Variants in SCAND1 observed in about 807,000 individuals in gnomAD.
The protein encoded by SCAND1 is SCAN domain containing 1.
A neutral mutation model predicts 3.4 loss-of-function variants in SCAND1; 3 were observed. The ratio of observed to expected loss-of-function variants is 0.87; its 90% confidence interval spans 0.40 to 2.25. The LOEUF (loss-of-function observed/expected upper bound fraction) is 2.25. Ranked by LOEUF, SCAND1 falls within the 30% of genes most tolerant of loss-of-function variation. The pLI, the probability that SCAND1 is intolerant of heterozygous loss-of-function variation, is 0.05. For missense variants in SCAND1, 303 were observed against 258.8 expected, an observed-to-expected ratio of 1.17 and a Z score of -1.17; for synonymous variants, 152 against 120.5, an observed-to-expected ratio of 1.26 and a Z score of -1.72.
rs377105045 is a variant in SCAND1, at chr20:35,954,071, G to A, written c.214C>T (p.Leu72=). The change falls in exon 2 of 2, where the codon CTG becomes TTG. Residue 72 remains leucine, a synonymous_variant. Coordinates refer to ENST00000305978, the MANE Select transcript of SCAND1 (RefSeq NM_033630.3). ...GGTGCGGGCCCGAGAGGCAGCTCCA[G>A]GGCCGCGGAGGCCGCAGCTCGGGGC... ...PTPRAAASAA[L]ELPLGPAPVS... is the part of the protein sequence containing the mutation. 4.8e-5 allele frequency: 74 copies of A among 1,536,946 alleles called. No individual in the cohort carries two copies. The highest frequency in any genetic ancestry group is 6.1e-5 in the Non-Finnish European group (69 of 1,138,616).
upstream of SCAND1, among the ~76,000 whole-genome samples, chr20:35,958,303 G>T (rs1290643957): frequency 2.6e-5 from 4 of 152,112 alleles, no homozygotes; most frequent in Non-Finnish European, 5.9e-5. Context: ...ATGGTGGCAG[G>T]TACCTGTAAT....
upstream of SCAND1, chr20:35,957,651 T>C (rs995078020): frequency 2.6e-5 from 4 of 152,238 alleles, no homozygotes; most frequent in African/African-American, 9.6e-5. Flanking sequence ...CATATATCCT[T>C]GAACCCTCCC....
Position 35,954,500 on chromosome 20 carries a change from T to C in SCAND1, c.-108A>G, listed in dbSNP as rs1208262965. ...CGGAAGCGAAAGTCTCTGGCTTCTC[T>C]GCGTCCAGGTCGGCGCGCGAGCACC... On this transcript the variant is annotated 5_prime_UTR_variant, in exon 1 of 2. Transcript: ENST00000305978. 6.5e-7 allele frequency: 1 copy of C among 1,538,534 alleles called. No individual in the cohort carries two copies. Among genetic ancestry groups the C allele is most frequent in the Non-Finnish European group, 8.8e-7 (1 of 1,140,456 alleles).
At chr20:35,954,721 C>T, upstream of SCAND1, 1 of 929,856 alleles carries the variant, frequency 1.1e-6, no homozygotes, top group Non-Finnish European at 1.4e-6. Context: ...CTTCAAGTCC[C>T]GGACCTTATC....
chr20:35,954,502 C>G lies in SCAND1; in HGVS notation c.-110G>C. 1.3e-6 allele frequency: 2 copies of G among 1,537,056 alleles called. No individual in the cohort carries two copies. Among genetic ancestry groups the G allele is most frequent in the Non-Finnish European group, 1.8e-6 (2 of 1,139,588 alleles). On this transcript the variant is annotated 5_prime_UTR_variant, in exon 1 of 2. Transcript: ENST00000305978. ...GAAGCGAAAGTCTCTGGCTTCTCTG[C>G]GTCCAGGTCGGCGCGCGAGCACCCG...
In SCAND1 at chr20:35,953,931, A is replaced by T; in HGVS notation, c.354T>A (p.Asp118Glu). 1.9e-6 allele frequency: 3 copies of T among 1,579,092 alleles called. No individual in the cohort carries two copies. The African/African-American group carries it at 4.1e-5, about 21-fold the overall frequency. Residue 118 changes from aspartate to glutamate, a missense_variant, in exon 2 of 2, where the codon GAT becomes GAA. By Grantham distance (45) the Asp-to-Glu change is conservative. Coordinates refer to ENST00000305978, the MANE Select transcript of SCAND1 (RefSeq NM_033630.3). ...GGAAAGCCTCCCGGGGACCCGCCGC[A>T]TCCTGGTAGCGGAACTGCCGGAAAC... Reference protein sequence around the residue: ...RQRFRQFRYQDAAGPREAFRQ... With the variant: ...RQRFRQFRYQEAAGPREAFRQ...
chr20:35,958,021 T>TG (rs2056273313), upstream of SCAND1, among the ~76,000 whole-genome samples: 2 of 152,244 alleles, frequency 1.3e-5, no homozygotes, highest in African/African-American at 4.8e-5. Context: ...TCCCAGACTC[T>TG]TTCAGAGACC....
chr20:35,954,382 G>A (rs1300967303), intron 1 of SCAND1, 43 bp from the exon 2 acceptor site: 2 of 1,574,198 alleles, frequency 1.3e-6, no homozygotes, highest in Middle Eastern at 3.3e-4. Flanking sequence ...TCCGGTTAAA[G>A]GGCAGAGCTC....
In SCAND1 at chr20:35,954,452, A is replaced by G; in HGVS notation, c.-60T>C. The G allele has an allele frequency of 1.9e-6, 3 of 1,549,020 alleles. No individual in the cohort carries two copies. The highest frequency in any genetic ancestry group is 2.6e-6 in the Non-Finnish European group (3 of 1,146,656). On this transcript the variant is annotated 5_prime_UTR_variant, in exon 1 of 2. Transcript: ENST00000305978. ...CCGAGAGTGTGCGGAGCTTACCTGC[A>G]CCAGCGAAGCGCCTGCGGCAGCCGG...
At position 35,953,631 on chromosome 20, in the gene SCAND1, C is replaced by A; in HGVS notation, c.*114G>T. On this transcript the variant is annotated 3_prime_UTR_variant, in exon 2 of 2. Coordinates refer to ENST00000305978, the MANE Select transcript of SCAND1 (RefSeq NM_033630.3). ...GAGACACACCAGACCACAGGCGCTG[C>A]CAAAACTCATTTTTCATTAACACGG... The A allele has an allele frequency of 1.6e-6, 1 of 623,890 alleles. No individual in the cohort carries two copies. The highest frequency in any genetic ancestry group is 3.0e-5 in the South Asian group (1 of 33,442). The allele number at this position is 623,890 out of a possible 1,614,324, so 38.6% of individuals were successfully genotyped here. A position where few individuals can be genotyped will look rare whatever the true frequency, so the allele number is the denominator to read the frequency against.
In SCAND1 at chr20:35,954,097, G is replaced by T; in HGVS notation, c.188C>A (p.Thr63Lys). The T allele has an allele frequency of 6.5e-7, 1 of 1,538,902 alleles. No individual in the cohort carries two copies. The highest frequency in any genetic ancestry group is 8.8e-7 in the Non-Finnish European group (1 of 1,138,870). Residue 63 changes from threonine to lysine, a missense_variant, in exon 2 of 2, where the codon ACG (threonine) becomes AAG (lysine). Physicochemically the swap from Thr to Lys is moderately conservative, Grantham distance 78. Transcript: ENST00000305978. ...PNAAVPEAIP[T>K]PRAAASAALE... is the part of the protein sequence containing the mutation. Reference sequence around the variant, plus strand: ...GGCCGCGGAGGCCGCAGCTCGGGGCGTAGGGATGGCTTCAGGGACCGCGGC... The same window carrying T: ...GGCCGCGGAGGCCGCAGCTCGGGGCTTAGGGATGGCTTCAGGGACCGCGGC...
At chr20:35,956,018 G>A (rs1251778689), upstream of SCAND1, among the ~76,000 whole-genome samples, 1 of 152,190 alleles carries the variant, frequency 6.6e-6, no homozygotes, top group African/African-American at 2.4e-5. Flanking sequence ...ACCGTGCCGG[G>A]CCACAAATAG....
rs958993453 is a variant in SCAND1, at chr20:35,953,687, C to G, written c.*58G>C. On this transcript the variant is annotated 3_prime_UTR_variant, in exon 2 of 2. Transcript: ENST00000305978. Reference sequence around the variant, plus strand: ...GGTCCCAGGCTCAGGCCCCCGGGCCCGATCATGGCCCCAGTCCGCACAGAG... The same window carrying G: ...GGTCCCAGGCTCAGGCCCCCGGGCCGGATCATGGCCCCAGTCCGCACAGAG... 7.6e-6 allele frequency: 9 copies of G among 1,189,618 alleles called. No individual in the cohort carries two copies. The Admixed American group carries it at 2.9e-4, about 38-fold the overall frequency. The allele number at this position is 1,189,618 out of a possible 1,614,324, so 73.7% of individuals were successfully genotyped here. A position where few individuals can be genotyped will look rare whatever the true frequency, so the allele number is the denominator to read the frequency against.
chr20:35,954,143 G>A lies in SCAND1; in HGVS notation c.142C>T (p.Pro48Ser), dbSNP rs2056214765. The A allele has an allele frequency of 6.3e-7, 1 of 1,578,884 alleles. No homozygotes were observed. Among genetic ancestry groups the A allele is most frequent in the Non-Finnish European group, 8.6e-7 (1 of 1,163,086 alleles). ...GCGGCGTTGGGACTGGAAGGCTCAG[G>A]GGCAGGCGGTGAGGCCTCTGGCAGC... ...SSLPEASPPA[P>S]EPSSPNAAVP... The change falls in exon 2 of 2, where the codon CCT becomes TCT. Residue 48 changes from proline to serine, a missense_variant. Transcript: ENST00000305978.
Position 35,953,710 on chromosome 20 carries a change from G to C in SCAND1, c.*35C>G. 1 of 1,364,382 alleles carries C rather than the reference G, an allele frequency of 7.3e-7. No homozygotes were observed. Among genetic ancestry groups the C allele is most frequent in the Non-Finnish European group, 9.5e-7 (1 of 1,048,970 alleles). The allele number at this position is 1,364,382 out of a possible 1,614,324, so 84.5% of individuals were successfully genotyped here. On this transcript the variant is annotated 3_prime_UTR_variant, in exon 2 of 2. Coordinates refer to ENST00000305978, the MANE Select transcript of SCAND1 (RefSeq NM_033630.3). ...CCCGATCATGGCCCCAGTCCGCACA[G>C]AGCGCCCGGCCCTGGCCGCCCGCAG... is the stretch of plus-strand genomic sequence containing the variant.
chr20:35,957,312 C>T (rs1423762091), upstream of SCAND1, among the ~76,000 whole-genome samples: 7 of 152,168 alleles, frequency 4.6e-5, no homozygotes, highest in East Asian at 1.9e-4. Flanking sequence ...GTTGGCCGGG[C>T]GCGGTGGCTC....
upstream of SCAND1, among the ~76,000 whole-genome samples, chr20:35,958,338 A>G (rs1408781520): frequency 2.0e-5 from 3 of 152,196 alleles, no homozygotes; most frequent in African/African-American, 7.2e-5. Context: ...AGGCTGAGGC[A>G]GAAGAATCAC....
upstream of SCAND1, among the ~76,000 whole-genome samples, chr20:35,956,871 C>T (rs2056261752): frequency 6.6e-6 from 1 of 152,130 alleles, no homozygotes; most frequent in Admixed American, 6.6e-5. Flanking sequence ...TGTACAAAGG[C>T]ACATAGTGAG....
rs549723449 is a variant in SCAND1, at chr20:35,953,781, C to G, written c.504G>C (p.Arg168=). The G allele has an allele frequency of 6.7e-7, 1 of 1,492,090 alleles. No individual in the cohort carries two copies. The highest frequency in any genetic ancestry group is 1.3e-5 in the South Asian group (1 of 77,682). 92.4% of individuals were successfully genotyped at this position (1,492,090 alleles called of 1,614,324 possible). The change falls in exon 2 of 2, where the codon CGG becomes CGC. Residue 168 remains arginine, a synonymous_variant. Transcript: ENST00000305978. ...TGCGCACATCCGTGCGGCGGCGGAT[C>G]CGCCGGGCCCGAGCCGCCTCGGGCA... The part of the protein sequence containing the change: ...AILPEAARAR[R]IRRRTDVRIT...
Sources: gnomAD v4.1 joint callset for allele counts (sites outside exome capture counted in the v4.1 genomes callset) on GRCh38, gnomAD v4.1.1 for gene constraint, MANE v1.5 for transcripts, NCBI Gene and HGNC (gene_info 2026-07-23, HGNC 2026-07-21) for gene names.